The following SEC14L6 variants were observed in gnomAD, a reference collection of about 807,000 sequenced individuals.
SEC14L6 encodes SEC14 like lipid binding 6, also known as SEC14-like protein 6.
In SEC14L6, 40 loss-of-function variants were observed where a neutral mutation model predicts 54.1. The ratio of observed to expected loss-of-function variants is 0.74; its 90% CI spans 0.57 to 0.96. SEC14L6 has a LOEUF of 0.96. Among genes scored for constraint, SEC14L6 ranks in the 40% least tolerant of loss-of-function variants. The pLI, the probability that SEC14L6 is intolerant of heterozygous loss-of-function variation, is 0.00. For missense variants in SEC14L6, 471 were observed against 498.3 expected, an observed-to-expected ratio of 0.95 and a Z score of 0.52; for synonymous variants, 171 against 198.4, an observed-to-expected ratio of 0.86 and a Z score of 1.16.
intron 5 of SEC14L6, 181 bp from the exon 6 acceptor site, chr22:30,532,179 C>A (rs1601886000): frequency 2.0e-6 from 2 of 985,460 alleles, no homozygotes; most frequent in Non-Finnish European, 2.4e-6. Context: ...CAAGGACCGA[C>A]CTCTTTGTGT....
intron 1 of SEC14L6, among the ~76,000 whole-genome samples, chr22:30,542,377 C>T (rs1201258317): frequency 1.3e-5 from 2 of 152,230 alleles, no homozygotes; most frequent in East Asian, 3.9e-4. Flanking sequence ...GGAGTAGCCG[C>T]GCGGCCGGAG....
chr22:30,538,297 C>T (rs1477222664), intron 2 of SEC14L6, among the ~76,000 whole-genome samples: 1 of 150,284 alleles, frequency 6.7e-6, no homozygotes, highest in East Asian at 1.9e-4. Context: ...CACGCCACTG[C>T]ACTCCAGCCT....
intron 1 of SEC14L6, chr22:30,543,643 A>G: frequency 6.2e-7 from 1 of 1,613,120 alleles, no homozygotes; most frequent in Admixed American, 1.7e-5. Flanking sequence ...GCAGAGCTCA[A>G]ATACCGCCGC....
chr22:30,533,048 C>A, intron 3 of SEC14L6, 192 bp from the exon 4 acceptor site: 1 of 985,324 alleles, frequency 1.0e-6, no homozygotes, highest in Non-Finnish European at 1.2e-6. Context: ...ATCTGAGAGG[C>A]CAGGAGAGAC....
At chr22:30,531,757 TGCAGCTCTTGTGG>T in intron 6 of SEC14L6, 133 bp downstream of exon 6, 1 of 617,762 alleles carries the variant, frequency 1.6e-6, no homozygotes, top group East Asian at 2.8e-5. Context: ...ACATGGCCTG[TGCAGCTCTTGTGG>T]GCAGTACCTG....
At chr22:30,532,989 G>A (rs1223303722) in intron 3 of SEC14L6, 133 bp from the exon 4 acceptor site, 13 of 1,500,762 alleles carry the variant, frequency 8.7e-6, no homozygotes, top group East Asian at 4.9e-5. Context: ...AGGCTCCACT[G>A]ACATAGAACT....
At chr22:30,543,461 C>G (rs56174611) in intron 1 of SEC14L6, 2 of 1,611,960 alleles carry the variant, frequency 1.2e-6, no homozygotes, top group African/African-American at 2.7e-5. Context: ...CGGACAGAAA[C>G]GGCCTCAACT....
Position 30,543,577 on chromosome 22 carries a change from G to C in SEC14L6, c.54+3052C>G, listed in dbSNP as rs182755686. 1,529 of 1,613,506 alleles carry C rather than the reference G, an allele frequency of 9.5e-4. 1 individual carries two copies. Among genetic ancestry groups the C allele is most frequent in the Non-Finnish European group, 1.2e-3 (1,461 of 1,179,524 alleles). On this transcript the variant is annotated intron_variant, in intron 1 of 11. Coordinates refer to ENST00000402034, the MANE Select transcript of SEC14L6 (RefSeq NM_001193336.4). ...GCTCACCTGCCAGGTGGAGCATGAC[G>C]GGCAGTCAGCGGTCAGCAAAAGCCA...
intron 2 of SEC14L6, among the ~76,000 whole-genome samples, chr22:30,535,779 T>C (rs1937121175): frequency 2.0e-5 from 3 of 152,080 alleles, no homozygotes; most frequent in Admixed American, 2.0e-4. Flanking sequence ...GGCACAACCA[T>C]AGCTTACTGC....
intron 7 of SEC14L6, 29 bp downstream of exon 7, chr22:30,529,260 T>C: frequency 1.9e-6 from 3 of 1,548,458 alleles, no homozygotes; most frequent in Non-Finnish European, 8.7e-7. Flanking sequence ...TCCCCCCAAC[T>C]CATGCATATC....
intron 2 of SEC14L6, 67 bp downstream of exon 2, chr22:30,538,760 A>C: frequency 9.3e-7 from 1 of 1,071,072 alleles, no homozygotes; most frequent in Non-Finnish European, 1.4e-6. Flanking sequence ...TGATACACTC[A>C]ATAGATACCA....
chr22:30,529,378 G>A (rs975759979), intron 6 of SEC14L6, 29 bp from the exon 7 acceptor site: 9 of 1,535,580 alleles, frequency 5.9e-6, no homozygotes, highest in Admixed American at 2.0e-5. Context: ...GAAGTGATGG[G>A]CGTCTGAACA....
Position 30,532,723 on chromosome 22 carries a change from T to G in SEC14L6, c.235-10A>C, listed in dbSNP as rs745620863. The G allele has an allele frequency of 1.3e-6, 2 of 1,580,686 alleles. No individual in the cohort carries two copies. Among genetic ancestry groups the G allele is most frequent in the Non-Finnish European group, 8.6e-7 (1 of 1,163,132 alleles). On this transcript the variant is annotated splice_polypyrimidine_tract_variant and intron_variant, in intron 4 of 11. Transcript: ENST00000402034. The stretch of plus-strand genomic sequence containing the variant: ...TGTACAGCCTGACCACCTGGATGCA[T>G]ACACAGGAGACGGGGGTTCAGTGCC...
At chr22:30,540,366 CCTTTT>C (rs957051839) in intron 1 of SEC14L6, among the ~76,000 whole-genome samples, 1 of 134,504 alleles carries the variant, frequency 7.4e-6, no homozygotes, top group Non-Finnish European at 1.6e-5. Flanking sequence ...CCTTTTTGTT[CCTTTT>C]TTTTTTTTTT....
rs775401242 is a variant in SEC14L6, at chr22:30,525,883, G to A, written c.714C>T (p.Pro238=). The change falls in exon 9 of 12, where the codon CCC becomes CCT. Residue 238 remains proline (P), a synonymous_variant. Transcript: ENST00000402034. The part of the protein sequence containing the change: ...LTKFISPDQL[P]VEFGGTMTDP... Reference sequence around the variant, plus strand: ...CAGTCATGGTCCCCCCAAACTCCACGGGCAGCTGGTCGGGGCTGATGAATT... The same window carrying A: ...CAGTCATGGTCCCCCCAAACTCCACAGGCAGCTGGTCGGGGCTGATGAATT... 9.5e-5 allele frequency: 154 copies of A among 1,613,388 alleles called. No homozygotes were observed. Among genetic ancestry groups the A allele is most frequent in the African/African-American group, 4.0e-4 (30 of 74,874 alleles).
chr22:30,541,457 G>A (rs140278215), intron 1 of SEC14L6, among the ~76,000 whole-genome samples: 219 of 152,286 alleles, frequency 1.4e-3, no homozygotes, highest in African/African-American at 4.9e-3. Context: ...CCAGGAGTTC[G>A]AGACTAGTCT....
chr22:30,544,266 C>T (rs1225417370), intron 1 of SEC14L6: 9 of 518,210 alleles, frequency 1.7e-5, no homozygotes, highest in Non-Finnish European at 2.8e-5. Context: ...CCACGGCCCC[C>T]TCTCCCCACA....
Position 30,539,030 on chromosome 22 carries a change from G to A in SEC14L6, c.55-128C>T, listed in dbSNP as rs536496099. 909 of 640,552 alleles carry A rather than the reference G, an allele frequency of 1.4e-3. 2 individuals carry two copies. The highest frequency in any genetic ancestry group is 0.013 in the Middle Eastern group (36 of 2,796). The allele number at this position is 640,552 out of a possible 1,614,324, so 39.7% of individuals were successfully genotyped here. On this transcript the variant is annotated intron_variant, in intron 1 of 11. Coordinates refer to ENST00000402034, the MANE Select transcript of SEC14L6 (RefSeq NM_001193336.4). ...ACTCGGGCTGGGAGGATCAGGGTCC[G>A]GGTCAAGCCATAACAGTTTGTTTCC...
rs896521604 is a variant in SEC14L6, at chr22:30,531,796, C to A, written c.519+107G>T. The A allele has an allele frequency of 1.2e-5, 9 of 742,186 alleles. No individual in the cohort carries two copies. In the African/African-American group the frequency reaches 1.4e-4, roughly 12 times the overall value. The allele number at this position is 742,186 out of a possible 1,614,324, so 46.0% of individuals were successfully genotyped here. A position where few individuals can be genotyped will look rare whatever the true frequency, so the allele number is the denominator to read the frequency against. On this transcript the variant is annotated intron_variant, in intron 6 of 11. Transcript: ENST00000402034. The stretch of plus-strand genomic sequence containing the variant: ...GCAGTACCTGTGGGCGGGTACTCAC[C>A]TGGCAGTGAGGAGAGAGGATTCCCG...
Sources: allele counts gnomAD v4.1 joint callset (sites outside exome capture counted in the v4.1 genomes callset), GRCh38; gene constraint gnomAD v4.1.1; transcripts MANE v1.5; gene names NCBI Gene and HGNC (gene_info 2026-07-23, HGNC 2026-07-21).